Variants in OSBPL10 observed in about 807,000 individuals in gnomAD.
OSBPL10 encodes the protein oxysterol-binding protein-related protein 10.
A neutral mutation model predicts 81.7 loss-of-function variants in OSBPL10; 49 were observed. That is an observed-to-expected ratio of 0.60 (90% confidence interval 0.48 to 0.76). The LOEUF is 0.76. OSBPL10 is among the 30% of genes least tolerant of loss of function. The pLI, the probability that OSBPL10 is intolerant of heterozygous loss-of-function variation, is 0.00. For synonymous variants in OSBPL10, 419 were observed against 383.6 expected, an observed-to-expected ratio of 1.09 and a Z score of -1.08; for missense variants, 923 against 987.8, an observed-to-expected ratio of 0.93 and a Z score of 0.88.
intron 1 of OSBPL10, among the ~76,000 whole-genome samples, chr3:31,892,724 C>T (rs184600605): frequency 1.4e-4 from 22 of 152,098 alleles, no homozygotes; most frequent in Admixed American, 2.6e-4. Context: ...AGGGAGAGGG[C>T]GAGGGTGAGG....
At chr3:31,741,062 C>T (rs1316081011) in intron 5 of OSBPL10, among the ~76,000 whole-genome samples, 1 of 152,118 alleles carries the variant, frequency 6.6e-6, no homozygotes, top group African/African-American at 2.4e-5. Flanking sequence ...TTAAGCCTTG[C>T]TTAGAGTGTT....
At chr3:32,003,367 G>A (rs111927388) in intron 2 of OSBPL10, among the ~76,000 whole-genome samples, 3 of 152,316 alleles carry the variant, frequency 2.0e-5, no homozygotes, top group Admixed American at 1.3e-4. Flanking sequence ...GAGTTCCCCC[G>A]AGGTTTCCTA....
At position 31,952,284 on chromosome 3, in the gene OSBPL10, T is replaced by C. The variant is rs554419500; in HGVS notation, c.281+28615A>G. Among the ~76,000 whole-genome samples, 9 of 151,680 alleles carry C rather than the reference T, an allele frequency of 5.9e-5. 1 individual carries two copies. Among genetic ancestry groups the C allele is most frequent in the Non-Finnish European group, 1.3e-4 (9 of 68,046 alleles). The stretch of plus-strand genomic sequence containing the variant: ...CAAAACTATTCAAGTGATAAATTCA[T>C]CTGTTTGTCCAGGTTCTTTTCTTGT... On this transcript the variant is annotated intron_variant, in intron 1 of 11. Transcript: ENST00000396556.
chr3:32,002,972 T>G lies in OSBPL10; in HGVS notation n.298+43519A>C, dbSNP rs529338695. 1.3e-3 allele frequency among the ~76,000 whole-genome samples: 195 copies of G among 152,296 alleles called. 1 individual carries two copies. Among genetic ancestry groups the G allele is most frequent in the African/African-American group, 4.4e-3 (181 of 41,558 alleles). Reference sequence around the variant, plus strand: ...AAGCAACTATGATGAGGGTTTAATTTAGACTTCATTTAGGTCAGGGAAGAC... The same window carrying G: ...AAGCAACTATGATGAGGGTTTAATTGAGACTTCATTTAGGTCAGGGAAGAC... On this transcript the variant is annotated intron_variant and non_coding_transcript_variant, in intron 2 of 3. Coordinates refer to the OSBPL10 transcript ENST00000479173.
At chr3:31,870,437 C>T (rs941862735) in intron 3 of OSBPL10, among the ~76,000 whole-genome samples, 2 of 152,224 alleles carry the variant, frequency 1.3e-5, no homozygotes, top group Admixed American at 1.3e-4. Context: ...GCCTCCCCGA[C>T]GAGCGCCGCC....
At chr3:31,816,288 C>G (rs1021649950) in intron 4 of OSBPL10, among the ~76,000 whole-genome samples, 1 of 152,122 alleles carries the variant, frequency 6.6e-6, no homozygotes, top group Non-Finnish European at 1.5e-5. Flanking sequence ...AACCAACCGC[C>G]TAGATCATCA....
intron 2 of OSBPL10, among the ~76,000 whole-genome samples, chr3:32,045,565 G>A (rs1323934052): frequency 6.6e-6 from 1 of 152,142 alleles, no homozygotes; most frequent in Non-Finnish European, 1.5e-5. Flanking sequence ...CCACCTAAAG[G>A]GGTTCCAAAC....
At chr3:31,693,028 C>A (rs999303112) in intron 7 of OSBPL10, among the ~76,000 whole-genome samples, 1 of 152,176 alleles carries the variant, frequency 6.6e-6, no homozygotes, top group Non-Finnish European at 1.5e-5. Flanking sequence ...AGCCAGGTCT[C>A]CACTCTCTCT....
intron 6 of OSBPL10, among the ~76,000 whole-genome samples, chr3:31,724,893 CTA>C (rs1229223579): frequency 6.6e-6 from 1 of 152,128 alleles, no homozygotes; most frequent in African/African-American, 2.4e-5. Context: ...GCAGTATAGC[CTA>C]TGAGATAACC....
intron 3 of OSBPL10, among the ~76,000 whole-genome samples, chr3:31,843,386 C>T (rs140127941): frequency 1.3e-5 from 2 of 152,246 alleles, no homozygotes; most frequent in East Asian, 3.9e-4. Context: ...CTTAAATTGC[C>T]CACAGCTGTA....
At chr3:31,740,612 T>C (rs1697311742) in intron 5 of OSBPL10, among the ~76,000 whole-genome samples, 1 of 151,700 alleles carries the variant, frequency 6.6e-6, no homozygotes, top group Non-Finnish European at 1.5e-5. Context: ...GGTTAAAGAA[T>C]GCTTATGAAG....
chr3:31,986,385 G>A (rs1405361850), intron 2 of OSBPL10: 1 of 152,106 alleles, frequency 6.6e-6, no homozygotes, highest in Non-Finnish European at 1.5e-5. Context: ...CCATCCAGTG[G>A]GAAGAAGAAA....
At chr3:31,678,422 C>T (rs1700544502) in intron 8 of OSBPL10, among the ~76,000 whole-genome samples, 1 of 152,172 alleles carries the variant, frequency 6.6e-6, no homozygotes, top group Admixed American at 6.5e-5. Context: ...CGTGACACCA[C>T]TGCACAGCCA....
At chr3:31,750,302 T>C (rs372061211) in intron 4 of OSBPL10, among the ~76,000 whole-genome samples, 79 of 152,356 alleles carry the variant, frequency 5.2e-4, no homozygotes, top group African/African-American at 1.8e-3. Flanking sequence ...AATTTCCTTA[T>C]TATATTCATT....
chr3:31,945,937 C>T (rs1298018402), intron 1 of OSBPL10, among the ~76,000 whole-genome samples: 2 of 152,110 alleles, frequency 1.3e-5, no homozygotes, highest in Admixed American at 6.5e-5. Context: ...GAACCTCTTG[C>T]CATTAGGGAT....
At position 32,064,735 on chromosome 3, in the gene OSBPL10, A is replaced by G. The variant is rs1255805600; in HGVS notation, n.185+12661T>C. On this transcript the variant is annotated intron_variant and non_coding_transcript_variant, in intron 1 of 3. Transcript: ENST00000479173. ...TTGATGTCAGTTAGTCTAGAGCCCA[A>G]ATAGCAAGTGGCTTCAAGAAGTAAT... Among the ~76,000 whole-genome samples, 3 of 93,490 alleles carry G rather than the reference A, an allele frequency of 3.2e-5. 1 individual carries two copies. In the Admixed American group the frequency reaches 3.9e-4, roughly 12 times the overall value. 61.3% of individuals were successfully genotyped at this position (93,490 alleles called of 152,430 possible). A position where few individuals can be genotyped will look rare whatever the true frequency, so the allele number is the denominator to read the frequency against.
rs931156614 is a variant in OSBPL10 at position 31,836,513 on chromosome 3, C to G, written c.538-6282G>C. On this transcript the variant is annotated intron_variant, in intron 3 of 11. Transcript: ENST00000396556. ...CTTTTTTCCCCCATCATTTTCAACT[C>G]CTCCCATCCACCAATCATCTAACCC... Among the ~76,000 whole-genome samples the G allele has an allele frequency of 7.3e-5, 11 of 151,318 alleles. No homozygotes were observed. In the Admixed American group the frequency reaches 7.3e-4, roughly 10 times the overall value.
chr3:31,847,464 C>A (rs1383029214), intron 3 of OSBPL10, among the ~76,000 whole-genome samples: 1 of 152,148 alleles, frequency 6.6e-6, no homozygotes, highest in African/African-American at 2.4e-5. Context: ...GCTGGGATTA[C>A]AGGTGTGAGC....
At chr3:31,886,556 A>C (rs1695741867) in intron 1 of OSBPL10, among the ~76,000 whole-genome samples, 1 of 152,150 alleles carries the variant, frequency 6.6e-6, no homozygotes, top group South Asian at 2.1e-4. Flanking sequence ...TCTGCTCCAA[A>C]CTGCTGGACT....
Sources: allele counts gnomAD v4.1 joint callset (sites outside exome capture counted in the v4.1 genomes callset), GRCh38; gene constraint gnomAD v4.1.1; transcripts MANE v1.5; gene names NCBI Gene and HGNC (gene_info 2026-07-23, HGNC 2026-07-21).